The following LDAH variants were observed in gnomAD, a reference collection of about 807,000 sequenced individuals.
LDAH encodes lipid droplet associated hydrolase.
Under a neutral mutation model 29.6 loss-of-function variants are expected in LDAH, and 26 were observed. That is an observed-to-expected ratio of 0.88 (90% CI 0.64 to 1.22). LDAH has a LOEUF of 1.22. Among genes scored for constraint, LDAH ranks in the 50% most tolerant of loss-of-function variants. The pLI is 0.00. For synonymous variants in LDAH, 117 were observed against 133.0 expected, an observed-to-expected ratio of 0.88 and a Z score of 0.83; for missense variants, 344 against 387.3, an observed-to-expected ratio of 0.89 and a Z score of 0.94.
At chr2:20,719,583 A>G (rs962512212) in intron 5 of LDAH, among the ~76,000 whole-genome samples, 5 of 152,244 alleles carry the variant, frequency 3.3e-5, no homozygotes, top group Admixed American at 3.3e-4. Flanking sequence ...TACTCAAACT[A>G]CTTTAAAAAA....
At chr2:20,789,759 A>T (rs1237964240) in intron 3 of LDAH, among the ~76,000 whole-genome samples, 1 of 152,172 alleles carries the variant, frequency 6.6e-6, no homozygotes, top group Non-Finnish European at 1.5e-5. Flanking sequence ...GCCTCCTGTC[A>T]GATCAGCGGC....
chr2:20,763,219 C>G (rs1668809235), intron 4 of LDAH, among the ~76,000 whole-genome samples: 1 of 152,178 alleles, frequency 6.6e-6, no homozygotes, highest in Non-Finnish European at 1.5e-5. Context: ...CACATTAACA[C>G]AGAAGACCTT....
At chr2:20,690,701 G>C (rs1464657803) in intron 6 of LDAH, among the ~76,000 whole-genome samples, 1 of 152,106 alleles carries the variant, frequency 6.6e-6, no homozygotes, top group East Asian at 1.9e-4. Flanking sequence ...GCGGGGGATG[G>C]GGGAGGAGGG....
intron 5 of LDAH, among the ~76,000 whole-genome samples, chr2:20,702,884 G>C (rs745374222): frequency 1.3e-5 from 2 of 152,186 alleles, no homozygotes; most frequent in African/African-American, 2.4e-5. Context: ...CCGGGCTGGA[G>C]GGCAATGGCA....
chr2:20,765,611 T>C (rs979479672), intron 4 of LDAH, among the ~76,000 whole-genome samples: 1 of 152,188 alleles, frequency 6.6e-6, no homozygotes. Flanking sequence ...TTTTGCTCCA[T>C]GTGGTGTGGG....
chr2:20,784,690 C>A (rs1335430483), intron 3 of LDAH, among the ~76,000 whole-genome samples: 4 of 152,008 alleles, frequency 2.6e-5, no homozygotes, highest in Non-Finnish European at 2.9e-5. Flanking sequence ...GTTCCAAGAC[C>A]AGCCTGGGCA....
rs556550502 is a variant in LDAH at position 20,821,273 on chromosome 2, C to T, written c.-3+1764G>A. ...CAGCCATCCCATTACTGGGTATATA[C>T]CCAAAGGAATATAAATCATGCTGCT... On this transcript the variant is annotated intron_variant, in intron 1 of 6. Coordinates refer to ENST00000237822, the MANE Select transcript of LDAH (RefSeq NM_021925.4). 1.7e-3 allele frequency among the ~76,000 whole-genome samples: 256 copies of T among 152,254 alleles called. 1 individual carries two copies. Among genetic ancestry groups the T allele is most frequent in the African/African-American group, 5.8e-3 (239 of 41,554 alleles).
chr2:20,814,966 G>A (rs960452655), intron 1 of LDAH, among the ~76,000 whole-genome samples: 1 of 152,106 alleles, frequency 6.6e-6, no homozygotes, highest in Non-Finnish European at 1.5e-5. Context: ...TAATTACAGA[G>A]ATAACTCTGC....
chr2:20,741,040 C>T (rs6740012), intron 4 of LDAH, among the ~76,000 whole-genome samples: 4,851 of 152,228 alleles, frequency 0.032, 260 homozygotes, highest in African/African-American at 0.11. Context: ...GGAGCATCTT[C>T]TCATATGTTT....
intron 1 of LDAH, among the ~76,000 whole-genome samples, chr2:20,819,388 A>G (rs1178378651): frequency 6.6e-6 from 1 of 152,208 alleles, no homozygotes. Context: ...TAAGTGCTCA[A>G]TCTTAAATAC....
chr2:20,799,349 AT>A (rs1002743710), intron 2 of LDAH, among the ~76,000 whole-genome samples: 4 of 152,120 alleles, frequency 2.6e-5, no homozygotes, highest in Middle Eastern at 3.4e-3. Flanking sequence ...GTTATTATTT[AT>A]TTTTTTTAAA....
intron 4 of LDAH, among the ~76,000 whole-genome samples, chr2:20,749,002 G>A (rs1667773601): frequency 6.6e-6 from 1 of 152,150 alleles, no homozygotes. Flanking sequence ...CTGGGAGGGG[G>A]AGCCATTCCT....
At chr2:20,700,410 T>C (rs1336186150) in intron 6 of LDAH, among the ~76,000 whole-genome samples, 3 of 152,226 alleles carry the variant, frequency 2.0e-5, no homozygotes, top group South Asian at 2.1e-4. Flanking sequence ...TTTAAGAACA[T>C]ATACACTTCT....
At chr2:20,770,019 T>G (rs868102318) in intron 4 of LDAH, among the ~76,000 whole-genome samples, 36 of 152,192 alleles carry the variant, frequency 2.4e-4, no homozygotes, top group African/African-American at 8.2e-4. Context: ...CTAAGAAATT[T>G]CAGGACACAG....
At position 20,685,498 on chromosome 2, in the gene LDAH, C is replaced by T. The variant is rs1426101267; in HGVS notation, c.*1405G>A. On this transcript the variant is annotated 3_prime_UTR_variant, in exon 7 of 7. Transcript: ENST00000237822. ...CTTTTCCCCTCTGAGAAGTCACTTGCTGTGATGTAGAAGCTATGCCAAAGC... is the reference window on the plus strand; with the variant it reads ...CTTTTCCCCTCTGAGAAGTCACTTGTTGTGATGTAGAAGCTATGCCAAAGC... 7 of 1,538,996 alleles carry T rather than the reference C, an allele frequency of 4.5e-6. No individual in the cohort carries two copies. The East Asian group carries it at 1.5e-4, about 32-fold the overall frequency.
At chr2:20,727,363 A>C (rs535526783) in intron 5 of LDAH, among the ~76,000 whole-genome samples, 4 of 152,366 alleles carry the variant, frequency 2.6e-5, no homozygotes, top group Non-Finnish European at 4.4e-5. Context: ...AATATTCTAG[A>C]AGAAATTTAT....
chr2:20,720,836 T>G (rs1665594781), intron 5 of LDAH, among the ~76,000 whole-genome samples: 1 of 152,104 alleles, frequency 6.6e-6, no homozygotes, highest in South Asian at 2.1e-4. Flanking sequence ...ATCAGTATAC[T>G]TACAGCCAAC....
In LDAH at chr2:20,685,789, T is replaced by C; in HGVS notation, c.*1114A>G. On this transcript the variant is annotated 3_prime_UTR_variant, in exon 7 of 7. Coordinates refer to ENST00000237822, the MANE Select transcript of LDAH (RefSeq NM_021925.4). ...TAGGCCAGGGAATATGTGTCTTCTC[T>C]GCCATACCTCAATGTGTCTAGAGAA... The C allele has an allele frequency of 9.1e-7, 1 of 1,096,580 alleles. No individual in the cohort carries two copies. Among genetic ancestry groups the C allele is most frequent in the East Asian group, 2.7e-5 (1 of 37,550 alleles). The allele number at this position is 1,096,580 out of a possible 1,614,324, so 67.9% of individuals were successfully genotyped here.
chr2:20,706,331 A>G (rs1010989653), intron 5 of LDAH, among the ~76,000 whole-genome samples: 2 of 152,322 alleles, frequency 1.3e-5, no homozygotes, highest in Non-Finnish European at 2.9e-5. Flanking sequence ...ATCCCAACCT[A>G]TGTTGAAGCT....
Sources: allele counts gnomAD v4.1 joint callset (sites outside exome capture counted in the v4.1 genomes callset), GRCh38; gene constraint gnomAD v4.1.1; transcripts MANE v1.5; gene names NCBI Gene and HGNC (gene_info 2026-07-23, HGNC 2026-07-21).